Variants in LNPEP observed in about 807,000 individuals in gnomAD.
The protein encoded by LNPEP is leucyl-cystinyl aminopeptidase.
A neutral mutation model predicts 120.6 loss-of-function variants in LNPEP; 64 were observed. The observed-to-expected ratio is 0.53, with a 90% CI of 0.43 to 0.65. The LOEUF (loss-of-function observed/expected upper bound fraction) is 0.65, where lower values mean the gene tolerates loss of function less well. LNPEP is among the 30% of genes least tolerant of loss of function. LNPEP has a pLI of 0.00. For missense variants in LNPEP, 1,057 were observed against 1,200.0 expected, an observed-to-expected ratio of 0.88 and a Z score of 1.76; for synonymous variants, 435 against 425.4, an observed-to-expected ratio of 1.02 and a Z score of -0.28.
chr5:97,009,051 A>G (rs1790862815), intron 11 of LNPEP, among the ~76,000 whole-genome samples: 1 of 152,080 alleles, frequency 6.6e-6, no homozygotes, highest in Admixed American at 6.6e-5. Context: ...TTAGCCTTCT[A>G]GGCCCTTACC....
At position 96,948,120 on chromosome 5, in the gene LNPEP, C is replaced by T. The variant is rs900864039; in HGVS notation, c.19+11946C>T. Among the ~76,000 whole-genome samples the T allele has an allele frequency of 8.5e-4, 122 of 142,714 alleles. 2 individuals are homozygous for T. The highest frequency in any genetic ancestry group is 2.7e-3 in the African/African-American group (104 of 39,186). 93.6% of individuals were successfully genotyped at this position (142,714 alleles called of 152,430 possible). ...TGTAAACATTTTAATACAAATTTCT[C>T]TTTTTTTTTTTTTTTGAGATGGAGT... On this transcript the variant is annotated intron_variant, in intron 1 of 17. Coordinates refer to ENST00000231368, the MANE Select transcript of LNPEP (RefSeq NM_005575.3).
rs201640154 is a variant in LNPEP, at chr5:97,003,399, C to T, written c.1654-16C>T. The T allele has an allele frequency of 0.015, 5,385 of 347,648 alleles. 3 individuals are homozygous for T. The highest frequency in any genetic ancestry group is 0.038 in the Middle Eastern group (27 of 706). 21.5% of individuals were successfully genotyped at this position (347,648 alleles called of 1,614,324 possible). A position where few individuals can be genotyped will look rare whatever the true frequency, so the allele number is the denominator to read the frequency against. ...CTATTATTTTCTTTCTTTTTCCTCACTTTTTTTTTTAATAGGGATCTTCTC... is the reference window on the plus strand; with the variant it reads ...CTATTATTTTCTTTCTTTTTCCTCATTTTTTTTTTTAATAGGGATCTTCTC... On this transcript the variant is annotated splice_polypyrimidine_tract_variant and intron_variant, in intron 8 of 17. Transcript: ENST00000231368.
At chr5:96,966,924 A>C (rs1206759107) in intron 1 of LNPEP, among the ~76,000 whole-genome samples, 1 of 152,174 alleles carries the variant, frequency 6.6e-6, no homozygotes, top group Non-Finnish European at 1.5e-5. Context: ...TTAGTAGGTA[A>C]ATTCTTAAAA....
intron 11 of LNPEP, chr5:97,010,281 A>C (rs1271838334): frequency 1.0e-6 from 1 of 972,126 alleles, no homozygotes; most frequent in African/African-American, 1.8e-5. Context: ...CTAATGCAAA[A>C]CATTCATGTT....
intron 16 of LNPEP, 116 bp downstream of exon 16, chr5:97,026,873 C>T (rs1791352234): frequency 1.3e-6 from 1 of 795,718 alleles, no homozygotes; most frequent in Non-Finnish European, 2.0e-6. Context: ...AAAATACTTC[C>T]ATGACAGTTT....
rs1160402498 is a variant in LNPEP, at chr5:96,954,772, ATTTTTTT to A, written c.19+18620_19+18626del. 6.6e-4 allele frequency among the ~76,000 whole-genome samples: 18 copies of A among 27,106 alleles called. 2 individuals are homozygous for A. The highest frequency in any genetic ancestry group is 2.2e-3 in the South Asian group (2 of 900). 17.8% of individuals were successfully genotyped at this position (27,106 alleles called of 152,430 possible). A position where few individuals can be genotyped will look rare whatever the true frequency, so the allele number is the denominator to read the frequency against. Reference sequence around the variant, plus strand: ...CACATATATATATATATATATATATATTTTTTTTTTTTTTTTTTTTTTTTTTTTGAGA... The same window carrying A: ...CACATATATATATATATATATATATATTTTTTTTTTTTTTTTTTTTTGAGA... On this transcript the variant is annotated intron_variant, in intron 1 of 17. Coordinates refer to ENST00000231368, the MANE Select transcript of LNPEP (RefSeq NM_005575.3).
At chr5:96,940,965 C>T (rs758912971) in intron 1 of LNPEP, among the ~76,000 whole-genome samples, 2 of 152,128 alleles carry the variant, frequency 1.3e-5, no homozygotes, top group Non-Finnish European at 2.9e-5. Flanking sequence ...GACTCAAGTG[C>T]ATTATATTTA....
chr5:96,991,615 G>C (rs1790390532), intron 4 of LNPEP, among the ~76,000 whole-genome samples: 1 of 152,132 alleles, frequency 6.6e-6, no homozygotes, highest in Non-Finnish European at 1.5e-5. Flanking sequence ...CTTCTTTGGA[G>C]AATTGTCTTT....
At chr5:96,959,233 A>G (rs900248973) in intron 1 of LNPEP, among the ~76,000 whole-genome samples, 1 of 152,088 alleles carries the variant, frequency 6.6e-6, no homozygotes, top group Non-Finnish European at 1.5e-5. Flanking sequence ...CATACCAGTT[A>G]ATCTTATTTA....
At chr5:96,937,638 A>C (rs990144610) in intron 1 of LNPEP, 2 of 152,116 alleles carry the variant, frequency 1.3e-5, no homozygotes, top group Non-Finnish European at 2.9e-5. Context: ...CATGTTTTTA[A>C]ATGTGAAATT....
rs183413627 is a variant in LNPEP, at chr5:97,011,052, G to T, written c.2036-2596G>T. ...CCCTCCTCTTTACCATCTGGACTTG[G>T]CTAGGTTTACAACATGGCAAGCTGC... is the stretch of plus-strand genomic sequence containing the variant. On this transcript the variant is annotated intron_variant, in intron 11 of 17. Coordinates refer to ENST00000231368, the MANE Select transcript of LNPEP (RefSeq NM_005575.3). 216 of 985,322 alleles carry T rather than the reference G, an allele frequency of 2.2e-4. 2 individuals are homozygous for T. The highest frequency in any genetic ancestry group is 2.9e-5 in the Non-Finnish European group (24 of 829,900). The allele number at this position is 985,322 out of a possible 1,614,324, so 61.0% of individuals were successfully genotyped here.
chr5:97,028,218 T>G (rs1312354931), intron 17 of LNPEP, among the ~76,000 whole-genome samples, 184 bp from the exon 18 acceptor site: 1 of 152,232 alleles, frequency 6.6e-6, no homozygotes, highest in African/African-American at 2.4e-5. Context: ...TAAAATCATT[T>G]CAGATATCAC....
Position 96,940,495 on chromosome 5 carries a change from G to T in LNPEP, c.19+4321G>T, listed in dbSNP as rs564923813. Among the ~76,000 whole-genome samples, 13 of 147,018 alleles carry T rather than the reference G, an allele frequency of 8.8e-5. No individual in the cohort carries two copies. The South Asian group carries it at 2.8e-3, about 32-fold the overall frequency. On this transcript the variant is annotated intron_variant, in intron 1 of 17. Transcript: ENST00000231368. ...TCAGATAATGCTTACCTAAATAAGA[G>T]AAATGAATAGAAGAACCTAGTTTTG...
At chr5:96,988,339 CTTTTTT>C (rs201343272) in intron 4 of LNPEP, among the ~76,000 whole-genome samples, 1 of 125,236 alleles carries the variant, frequency 8.0e-6, no homozygotes, top group Admixed American at 8.7e-5. Flanking sequence ...TTTTTCTTTT[CTTTTTT>C]TTTTTTTTTT....
chr5:96,953,369 T>C (rs1789370511), intron 1 of LNPEP, among the ~76,000 whole-genome samples: 1 of 152,234 alleles, frequency 6.6e-6, no homozygotes, highest in Non-Finnish European at 1.5e-5. Flanking sequence ...GAGTCTTTTA[T>C]TGTGTCCTTT....
intron 4 of LNPEP, among the ~76,000 whole-genome samples, chr5:96,990,270 TA>T (rs1433924162): frequency 6.6e-6 from 1 of 152,118 alleles, no homozygotes; most frequent in Non-Finnish European, 1.5e-5. Flanking sequence ...ATGCAGTAAG[TA>T]GGATCAGCTT....
rs753313549 is a variant in LNPEP at position 97,028,579 on chromosome 5, A to G, written c.*46A>G. The stretch of plus-strand genomic sequence containing the variant: ...TTTGTTGCCCATTCAGAGAGCTTGT[A>G]AGCTTGGGCTCTGCCGCTTTTGCAA... On this transcript the variant is annotated 3_prime_UTR_variant, in exon 18 of 18. Coordinates refer to ENST00000231368, the MANE Select transcript of LNPEP (RefSeq NM_005575.3). The G allele has an allele frequency of 3.7e-5, 60 of 1,601,210 alleles. No homozygotes were observed. Among genetic ancestry groups the G allele is most frequent in the Non-Finnish European group, 4.9e-5 (58 of 1,173,642 alleles).
intron 1 of LNPEP, among the ~76,000 whole-genome samples, chr5:96,956,386 C>T (rs894664473): frequency 7.9e-5 from 12 of 152,126 alleles, no homozygotes; most frequent in Non-Finnish European, 1.0e-4. Flanking sequence ...CGTGTAGTGG[C>T]GCACGCCTGT....
At chr5:96,945,488 C>A (rs955092898) in intron 1 of LNPEP, among the ~76,000 whole-genome samples, 1 of 151,220 alleles carries the variant, frequency 6.6e-6, no homozygotes, top group Non-Finnish European at 1.5e-5. Context: ...AGGGCCATTT[C>A]AAAATAGGTC....
Sources: allele counts gnomAD v4.1 joint callset (sites outside exome capture counted in the v4.1 genomes callset), GRCh38; gene constraint gnomAD v4.1.1; transcripts MANE v1.5; gene names NCBI Gene and HGNC (gene_info 2026-07-23, HGNC 2026-07-21).